The following SPAG16 variants were observed in gnomAD, a reference collection of about 807,000 sequenced individuals.
SPAG16 encodes sperm associated antigen 16.
SPAG16 carries 86 observed loss-of-function variants against 80.4 expected under a neutral mutation model. The ratio of observed to expected loss-of-function variants is 1.07; its 90% CI spans 0.90 to 1.28. SPAG16 has a LOEUF of 1.28. SPAG16 is among the 50% of genes most tolerant of loss of function. The pLI is 0.00. For missense variants in SPAG16, 870 were observed against 765.3 expected (o/e 1.14, Z -1.61); for synonymous variants, 294 against 265.9 (o/e 1.11, Z -1.03).
intron 10 of SPAG16, among the ~76,000 whole-genome samples, chr2:213,706,013 A>G (rs2065739147): frequency 1.3e-5 from 2 of 152,208 alleles, no homozygotes; most frequent in Admixed American, 1.3e-4. Flanking sequence ...GAAAGTAAGG[A>G]AACAAGCTGC....
chr2:213,434,410 C>T (rs748077445), intron 9 of SPAG16, among the ~76,000 whole-genome samples: 5 of 152,040 alleles, frequency 3.3e-5, no homozygotes, highest in Non-Finnish European at 4.4e-5. Context: ...TTGATTTACG[C>T]AAGGAATTTA....
intron 9 of SPAG16, among the ~76,000 whole-genome samples, chr2:213,428,259 T>G (rs1259510845): frequency 6.6e-6 from 1 of 152,164 alleles, no homozygotes; most frequent in African/African-American, 2.4e-5. Context: ...AGTACTCCTC[T>G]GCAATCCACA....
chr2:214,288,538 C>T (rs2125925831), intron 15 of SPAG16, among the ~76,000 whole-genome samples: 1 of 152,062 alleles, frequency 6.6e-6, no homozygotes, highest in South Asian at 2.1e-4. Context: ...AACTTTCATT[C>T]CCACCGACAG....
intron 15 of SPAG16, among the ~76,000 whole-genome samples, chr2:214,387,239 ATTGAT>A (rs1299052964): frequency 5.3e-5 from 8 of 152,142 alleles, no homozygotes; most frequent in Admixed American, 1.3e-4. Context: ...AAGGCATTCT[ATTGAT>A]TTATTTTTTA....
intron 12 of SPAG16, among the ~76,000 whole-genome samples, chr2:213,956,322 T>C (rs999293276): frequency 3.9e-5 from 6 of 152,124 alleles, no homozygotes; most frequent in African/African-American, 1.4e-4. Context: ...TCTGTATTAT[T>C]TCTTTCCTTC....
At chr2:213,740,478 T>C (rs2125452200) in intron 10 of SPAG16, among the ~76,000 whole-genome samples, 1 of 152,324 alleles carries the variant, frequency 6.6e-6, no homozygotes, top group South Asian at 2.1e-4. Flanking sequence ...GAGGGCCACA[T>C]TTTCTTTTAA....
chr2:213,545,410 T>G (rs1222538461), intron 10 of SPAG16, among the ~76,000 whole-genome samples: 1 of 152,158 alleles, frequency 6.6e-6, no homozygotes, highest in African/African-American at 2.4e-5. Flanking sequence ...TCCCAGTCTG[T>G]GGCTTCTGTT....
At chr2:214,343,640 A>G (rs924400798) in intron 15 of SPAG16, among the ~76,000 whole-genome samples, 1 of 152,172 alleles carries the variant, frequency 6.6e-6, no homozygotes, top group Admixed American at 6.5e-5. Flanking sequence ...CATTAAGCCA[A>G]CTAAGACAAA....
intron 11 of SPAG16, among the ~76,000 whole-genome samples, chr2:213,925,553 T>C (rs2078432218): frequency 6.6e-6 from 1 of 152,196 alleles, no homozygotes; most frequent in Non-Finnish European, 1.5e-5. Context: ...GGTTTCACCA[T>C]GTTGGCCAGG....
intron 10 of SPAG16, among the ~76,000 whole-genome samples, chr2:213,663,468 A>C (rs1026779422): frequency 6.6e-6 from 1 of 152,118 alleles, no homozygotes; most frequent in Non-Finnish European, 1.5e-5. Flanking sequence ...ATGTTTTTTA[A>C]GTGAGAACCA....
chr2:213,533,246 T>C (rs1304434082), intron 10 of SPAG16, among the ~76,000 whole-genome samples: 1 of 152,188 alleles, frequency 6.6e-6, no homozygotes, highest in Non-Finnish European at 1.5e-5. Context: ...ACATACTATC[T>C]TTTTTTGTAT....
At position 213,722,616 on chromosome 2, in the gene SPAG16, A is replaced by G. The variant is rs114733351; in HGVS notation, c.1071-139869A>G. Among the ~76,000 whole-genome samples, 635 of 152,332 alleles carry G rather than the reference A, an allele frequency of 4.2e-3. 2 individuals are homozygous for G. Among genetic ancestry groups the G allele is most frequent in the Non-Finnish European group, 7.5e-3 (510 of 68,034 alleles). ...TCAGTACCTGCTGCTAAGGATGGTA[A>G]TAAGAAGGAATTTCACATGAGATCA... On this transcript the variant is annotated intron_variant, in intron 10 of 15. Transcript: ENST00000331683.
At chr2:213,319,454 A>G (rs1366559745) in intron 5 of SPAG16, among the ~76,000 whole-genome samples, 1 of 151,946 alleles carries the variant, frequency 6.6e-6, no homozygotes, top group African/African-American at 2.4e-5. Flanking sequence ...TTTATATTTT[A>G]CATTAGAAGT....
In SPAG16 at chr2:214,407,950, G is replaced by A. The variant is rs553457905; in HGVS notation, c.1721-2190G>A. On this transcript the variant is annotated intron_variant, in intron 15 of 15. Transcript: ENST00000331683. ...TCATTTTAGGAATTAGTTACGATACGTACTCAGTCTTGCAATCTTCTGAAA... is the reference window on the plus strand; with the variant it reads ...TCATTTTAGGAATTAGTTACGATACATACTCAGTCTTGCAATCTTCTGAAA... 2.8e-4 allele frequency among the ~76,000 whole-genome samples: 43 copies of A among 152,166 alleles called. No homozygotes were observed. The South Asian group carries it at 7.0e-3, about 25-fold the overall frequency.
intron 10 of SPAG16, among the ~76,000 whole-genome samples, chr2:213,722,865 A>G (rs2066592835): frequency 1.3e-5 from 2 of 152,242 alleles, no homozygotes; most frequent in South Asian, 4.1e-4. Flanking sequence ...CAGGAAACTC[A>G]GTTGTTTGGG....
At chr2:214,198,131 G>T (rs2057899857) in intron 15 of SPAG16, among the ~76,000 whole-genome samples, 1 of 151,784 alleles carries the variant, frequency 6.6e-6, no homozygotes, top group African/African-American at 2.4e-5. Context: ...GGTATAGCTG[G>T]TATTTGGTTA....
chr2:214,410,353 A>G lies in SPAG16; in HGVS notation c.*38A>G, dbSNP rs764528760. 1 of 1,546,958 alleles carries G rather than the reference A, an allele frequency of 6.5e-7. No individual in the cohort carries two copies. Among genetic ancestry groups the G allele is most frequent in the East Asian group, 2.3e-5 (1 of 43,854 alleles). On this transcript the variant is annotated 3_prime_UTR_variant, in exon 16 of 16. Coordinates refer to ENST00000331683, the MANE Select transcript of SPAG16 (RefSeq NM_024532.5). ...CCCGCTGCAGAGGGCATTCCCTTTA[A>G]GGCTTGAAAATGCCTCCTGTAGTCC... is the stretch of plus-strand genomic sequence containing the variant.
At chr2:214,361,634 T>C (rs1410700068) in intron 15 of SPAG16, among the ~76,000 whole-genome samples, 1 of 151,914 alleles carries the variant, frequency 6.6e-6, no homozygotes, top group Non-Finnish European at 1.5e-5. Flanking sequence ...TTACAACTTT[T>C]GTGTTGCTTT....
intron 9 of SPAG16, among the ~76,000 whole-genome samples, chr2:213,477,125 CTG>C (rs2125682311): frequency 6.6e-6 from 1 of 152,188 alleles, no homozygotes; most frequent in Non-Finnish European, 1.5e-5. Context: ...AAGAAATCAA[CTG>C]AGAGAGAGTA....
Sources: gnomAD v4.1 joint callset for allele counts (sites outside exome capture counted in the v4.1 genomes callset) on GRCh38, gnomAD v4.1.1 for gene constraint, MANE v1.5 for transcripts, NCBI Gene and HGNC (gene_info 2026-07-23, HGNC 2026-07-21) for gene names.